The following TAF7L variants were observed in gnomAD, a reference collection of about 807,000 sequenced individuals.
The protein encoded by TAF7L is TATA-box binding protein associated factor 7 like, also known as transcription initiation factor TFIID subunit 7-like.
TAF7L carries 6 observed loss-of-function variants against 30.2 expected under a neutral mutation model. The ratio of observed to expected loss-of-function variants is 0.20; its 90% CI spans 0.11 to 0.39. TAF7L has a LOEUF of 0.39. Among genes scored for constraint, TAF7L ranks in the 10% least tolerant of loss-of-function variants. The probability of loss-of-function intolerance (pLI) is 1.00; values close to 1 mark genes in which losing one functional copy is unlikely to be tolerated. For missense variants in TAF7L, 284 were observed against 277.1 expected (o/e 1.03, Z -0.18); for synonymous variants, 93 against 94.5 (o/e 0.98, Z 0.09).
At chrX:101,275,924 T>C in intron 11 of TAF7L, 76 bp downstream of exon 11, 2 of 730,086 alleles carry the variant, frequency 2.7e-6, no homozygotes, top group East Asian at 3.2e-5. Context: ...TGCACAGAGA[T>C]AACATAAGTG....
At chrX:101,280,393 C>T (rs1013993778) in intron 6 of TAF7L, among the ~76,000 whole-genome samples, 1 of 111,831 alleles carries the variant, frequency 8.9e-6, no homozygotes, top group Non-Finnish European at 1.9e-5. Flanking sequence ...TGCTCAACCC[C>T]GTTAACCATC....
intron 9 of TAF7L, among the ~76,000 whole-genome samples, chrX:101,276,890 G>A (rs191282771): frequency 1.8e-5 from 2 of 109,543 alleles, no homozygotes; most frequent in Admixed American, 9.7e-5. Flanking sequence ...AGCACTTTGG[G>A]AGGCCAACGC....
At chrX:101,277,516 TG>T in intron 9 of TAF7L, 89 bp downstream of exon 9, 4 of 409,095 alleles carry the variant, frequency 9.8e-6, no homozygotes, top group Non-Finnish European at 1.2e-5. Flanking sequence ...TTTTTTTTTT[TG>T]GATTGGCCTA....
intron 9 of TAF7L, among the ~76,000 whole-genome samples, chrX:101,277,192 C>T (rs1239272740): frequency 4.3e-5 from 4 of 93,929 alleles, no homozygotes; most frequent in African/African-American, 1.6e-4. Context: ...GGCACAGTGG[C>T]TCATGCCTGT....
intron 1 of TAF7L, among the ~76,000 whole-genome samples, chrX:101,289,093 T>C (rs1191115379): frequency 2.7e-5 from 3 of 112,114 alleles, no homozygotes; most frequent in Non-Finnish European, 3.8e-5. Flanking sequence ...AACACTACTC[T>C]CTGCTTCTAT....
chrX:101,286,753 T>C (rs1479611356), intron 2 of TAF7L, 100 bp from the exon 3 acceptor site: 2 of 559,576 alleles, frequency 3.6e-6, no homozygotes, highest in Non-Finnish European at 5.7e-6. Context: ...AATAAAACTT[T>C]ACACCTCCCA....
At chrX:101,289,644 C>T (rs1602964327) in intron 1 of TAF7L, among the ~76,000 whole-genome samples, 1 of 110,870 alleles carries the variant, frequency 9.0e-6, no homozygotes, top group African/African-American at 3.3e-5. Context: ...TGCAATGGCA[C>T]GCATCTCAGC....
At chrX:101,286,290 A>G (rs1290278119) in intron 3 of TAF7L, among the ~76,000 whole-genome samples, 2 of 111,893 alleles carry the variant, frequency 1.8e-5, no homozygotes, top group African/African-American at 3.2e-5. Context: ...TTCAGAAATC[A>G]TAAAGTTTAT....
chrX:101,269,325 A>G, intron 12 of TAF7L, 88 bp from the exon 13 acceptor site: 1 of 813,125 alleles, frequency 1.2e-6, no homozygotes, highest in Non-Finnish European at 1.8e-6. Flanking sequence ...ATGAACCAAA[A>G]AGAACTACTG....
At position 101,279,019 on chromosome X, in the gene TAF7L, T is replaced by A; in HGVS notation, c.479A>T (p.Glu160Val). ...CTCAGTAAAGCTGCTTTTTTCCATT[T>A]CTTTGACATCAGGGACCTATGAAAT... The part of the protein sequence containing the change: ...KTQKKVPDVK[E>V]MEKSSFTEYI... Residue 160 changes from glutamate to valine, a missense_variant, in exon 7 of 13, where the codon GAA becomes GTA. Transcript: ENST00000356784. 3 of 1,204,619 alleles carry A rather than the reference T, an allele frequency of 2.5e-6. No individual in the cohort carries two copies. Among genetic ancestry groups the A allele is most frequent in the Non-Finnish European group, 3.4e-6 (3 of 889,638 alleles).
Position 101,278,983 on chromosome X carries a change from G to C in TAF7L, c.504+11C>G, listed in dbSNP as rs372945691. On this transcript the variant is annotated intron_variant, in intron 7 of 12. Coordinates refer to ENST00000356784, the MANE Select transcript of TAF7L (RefSeq NM_001168474.2). ...AAGGGTAAAAATGAAGTTATATTATGATTGCTCTACCTCAGTAAAGCTGCT... is the reference window on the plus strand; with the variant it reads ...AAGGGTAAAAATGAAGTTATATTATCATTGCTCTACCTCAGTAAAGCTGCT... 2 of 1,196,618 alleles carry C rather than the reference G, an allele frequency of 1.7e-6. No individual in the cohort carries two copies. The highest frequency in any genetic ancestry group is 1.8e-5 in the South Asian group (1 of 56,055).
intron 3 of TAF7L, among the ~76,000 whole-genome samples, chrX:101,285,485 A>G (rs1440045901): frequency 1.1e-5 from 1 of 94,654 alleles, no homozygotes; most frequent in African/African-American, 4.1e-5. Context: ...GTGACACAGC[A>G]AGACTCCATC....
chrX:101,271,549 AC>A (rs1923965276), intron 12 of TAF7L, among the ~76,000 whole-genome samples: 1 of 112,001 alleles, frequency 8.9e-6, no homozygotes, highest in Non-Finnish European at 1.9e-5. Context: ...TATATAGGGC[AC>A]TTACTATGAA....
chrX:101,276,531 A>T lies in TAF7L; in HGVS notation c.692-3T>A. On this transcript the variant is annotated splice_polypyrimidine_tract_variant and splice_region_variant and intron_variant, in intron 9 of 12. Coordinates refer to ENST00000356784, the MANE Select transcript of TAF7L (RefSeq NM_001168474.2). ...CATCTCCCGAAGCATATCATATTCT[A>T]CTAGTTTTAAGCAAGAAGAAGGTGA... is the stretch of plus-strand genomic sequence containing the variant. 8 of 1,209,660 alleles carry T rather than the reference A, an allele frequency of 6.6e-6. No individual in the cohort carries two copies. Among genetic ancestry groups the T allele is most frequent in the Non-Finnish European group, 8.9e-6 (8 of 894,395 alleles).
chrX:101,282,877 C>T (rs1411234196), intron 4 of TAF7L, among the ~76,000 whole-genome samples: 6 of 110,935 alleles, frequency 5.4e-5, no homozygotes, highest in Non-Finnish European at 1.1e-4. Context: ...GTGATCCTCC[C>T]ACCTCAATCT....
rs777153077 is a variant in TAF7L, at chrX:101,278,129, A to G, written c.505-8T>C. 1.9e-5 allele frequency: 23 copies of G among 1,199,085 alleles called. No homozygotes were observed. The highest frequency in any genetic ancestry group is 2.5e-5 in the Non-Finnish European group (22 of 885,361). The stretch of plus-strand genomic sequence containing the variant: ...GTCTGGAGATTCAATGTACTGAAGC[A>G]AAGTTGGGGATTAGAGGGGGATACC... On this transcript the variant is annotated splice_polypyrimidine_tract_variant and splice_region_variant and intron_variant, in intron 7 of 12. Transcript: ENST00000356784.
chrX:101,275,061 G>A (rs930940812), intron 12 of TAF7L, among the ~76,000 whole-genome samples, 161 bp downstream of exon 12: 1 of 111,589 alleles, frequency 9.0e-6, no homozygotes, highest in Admixed American at 9.6e-5. Flanking sequence ...TGTTGAATGA[G>A]TGAATTTTCA....
intron 12 of TAF7L, among the ~76,000 whole-genome samples, chrX:101,269,873 C>G (rs1602947120): frequency 1.8e-5 from 2 of 112,015 alleles, no homozygotes; most frequent in African/African-American, 6.5e-5. Context: ...AGAATTTGTG[C>G]TTCTGTGAAG....
intron 3 of TAF7L, among the ~76,000 whole-genome samples, chrX:101,285,551 G>A (rs1395948705): frequency 9.5e-6 from 1 of 104,889 alleles, no homozygotes; most frequent in African/African-American, 3.5e-5. Context: ...CACCAATAGG[G>A]TACAAAGTTT....
Sources: gnomAD v4.1 joint callset for allele counts (sites outside exome capture counted in the v4.1 genomes callset) on GRCh38, gnomAD v4.1.1 for gene constraint, MANE v1.5 for transcripts, NCBI Gene and HGNC (gene_info 2026-07-23, HGNC 2026-07-21) for gene names.